The following TRIO variants were observed in gnomAD, a reference collection of about 807,000 sequenced individuals.
TRIO encodes the protein triple functional domain protein.
A neutral mutation model predicts 351.9 loss-of-function variants in TRIO; 58 were observed. The observed-to-expected ratio is 0.16, with a 90% CI of 0.13 to 0.21. TRIO has a LOEUF of 0.21. TRIO is among the 10% of genes least tolerant of loss of function. The probability of loss-of-function intolerance (pLI) is 1.00; values close to 1 mark genes in which losing one functional copy is unlikely to be tolerated. For synonymous variants in TRIO, 1,758 were observed against 1,595.7 expected (o/e 1.10, Z -2.42); for missense variants, 3,201 against 4,027.8 (o/e 0.79, Z 5.56).
chr5:14,404,713 A>G (rs149618746), intron 31 of TRIO, among the ~76,000 whole-genome samples: 43 of 152,118 alleles, frequency 2.8e-4, no homozygotes, highest in African/African-American at 9.6e-4. Flanking sequence ...CTGCTGTCCT[A>G]TGTCACTCCG....
At chr5:14,295,386 G>A (rs1364154330) in intron 6 of TRIO, among the ~76,000 whole-genome samples, 3 of 152,218 alleles carry the variant, frequency 2.0e-5, no homozygotes, top group Non-Finnish European at 4.4e-5. Context: ...TAGGCTGTAT[G>A]CCACCATACT....
intron 34 of TRIO, among the ~76,000 whole-genome samples, chr5:14,433,615 C>T (rs575023645): frequency 6.6e-6 from 1 of 152,294 alleles, no homozygotes; most frequent in South Asian, 2.1e-4. Context: ...TTCAGGGGCC[C>T]AGCATCCTCA....
intron 1 of TRIO, among the ~76,000 whole-genome samples, chr5:14,222,233 A>G (rs1792686448): frequency 6.6e-6 from 1 of 151,876 alleles, no homozygotes; most frequent in Non-Finnish European, 1.5e-5. Flanking sequence ...AAACTACAGT[A>G]TAGGATAAAT....
In TRIO at chr5:14,381,151, A is replaced by C; in HGVS notation, c.3469A>C (p.Asn1157His). The C allele has an allele frequency of 1.9e-6, 3 of 1,614,022 alleles. No homozygotes were observed. Among genetic ancestry groups the C allele is most frequent in the Non-Finnish European group, 2.5e-6 (3 of 1,179,972 alleles). The change falls in exon 21 of 57, where the codon AAT (asparagine) becomes CAT (histidine). Residue 1157 changes from asparagine to histidine, a missense_variant. Transcript: ENST00000344204. Reference protein sequence around the residue: ...AKQALEWIHDNGEFYLSTHTS... With the variant: ...AKQALEWIHDHGEFYLSTHTS... The stretch of plus-strand genomic sequence containing the variant: ...CCAGGCTTTGGAATGGATCCATGAC[A>C]ATGGCGAGTTCTACCTTTCCACACA...
At chr5:14,220,288 G>T (rs923070001) in intron 1 of TRIO, among the ~76,000 whole-genome samples, 9 of 152,094 alleles carry the variant, frequency 5.9e-5, no homozygotes, top group African/African-American at 2.2e-4. Flanking sequence ...TGTATATGGT[G>T]GCAAACTTAA....
At chr5:14,190,429 T>C (rs952508310) in intron 1 of TRIO, among the ~76,000 whole-genome samples, 1 of 152,154 alleles carries the variant, frequency 6.6e-6, no homozygotes, top group African/African-American at 2.4e-5. Context: ...GTGAACCCCT[T>C]TGTGCATAAG....
intron 1 of TRIO, among the ~76,000 whole-genome samples, chr5:14,241,446 C>T (rs73751307): frequency 0.029 from 4,462 of 152,182 alleles, 209 homozygotes; most frequent in African/African-American, 0.1. Flanking sequence ...TTAAGCTTTT[C>T]GTTATCAGAT....
intron 21 of TRIO, among the ~76,000 whole-genome samples, chr5:14,381,678 T>C (rs1416264263): frequency 6.6e-6 from 1 of 152,228 alleles, no homozygotes; most frequent in Admixed American, 6.5e-5. Context: ...TGGTGAAAAC[T>C]GTTACAGTCG....
intron 1 of TRIO, among the ~76,000 whole-genome samples, chr5:14,247,028 CA>C (rs1581438727): frequency 6.6e-6 from 1 of 152,228 alleles, no homozygotes; most frequent in South Asian, 2.1e-4. Context: ...TGTGTCCTCC[CA>C]AACTACAGGT....
At chr5:14,476,660 G>A (rs972674170) in intron 40 of TRIO, among the ~76,000 whole-genome samples, 1 of 152,090 alleles carries the variant, frequency 6.6e-6, no homozygotes, top group African/African-American at 2.4e-5. Context: ...TAGGCATAGT[G>A]GTGCACGCCT....
At chr5:14,409,114 G>A (rs529498150) in intron 33 of TRIO, among the ~76,000 whole-genome samples, 20 of 152,162 alleles carry the variant, frequency 1.3e-4, no homozygotes, top group African/African-American at 3.9e-4. Flanking sequence ...TATCTCCTGC[G>A]TGTGGAGAAT....
At chr5:14,259,706 G>A (rs1581468585) in intron 1 of TRIO, among the ~76,000 whole-genome samples, 1 of 152,096 alleles carries the variant, frequency 6.6e-6, no homozygotes, top group Non-Finnish European at 1.5e-5. Context: ...CAAATAGAAG[G>A]ATCTGGAAGA....
At chr5:14,405,221 A>G (rs1176752673) in intron 31 of TRIO, among the ~76,000 whole-genome samples, 1 of 152,210 alleles carries the variant, frequency 6.6e-6, no homozygotes, top group East Asian at 1.9e-4. Flanking sequence ...TGAATCTGCC[A>G]TCGGGGATTG....
intron 1 of TRIO, among the ~76,000 whole-genome samples, chr5:14,187,774 A>C (rs963456306): frequency 6.6e-6 from 1 of 151,618 alleles, no homozygotes; most frequent in African/African-American, 2.4e-5. Context: ...CGTTCTGTGG[A>C]GTTTCCTCAT....
chr5:14,163,205 G>T (rs1371547699), intron 1 of TRIO, among the ~76,000 whole-genome samples: 1 of 152,076 alleles, frequency 6.6e-6, no homozygotes, highest in Non-Finnish European at 1.5e-5. Flanking sequence ...GGTGTGTGAT[G>T]TTCCCCTCCC....
At chr5:14,378,785 C>G (rs976726961) in intron 20 of TRIO, among the ~76,000 whole-genome samples, 2 of 152,154 alleles carry the variant, frequency 1.3e-5, no homozygotes, top group African/African-American at 4.8e-5. Flanking sequence ...GTCTCGAACT[C>G]CTGACCTCAG....
rs183266161 is a variant in TRIO, at chr5:14,394,180, T to C, written c.4311+50T>C. The C allele has an allele frequency of 2.8e-4, 327 of 1,185,530 alleles. 1 individual carries two copies. The African/African-American group carries it at 4.8e-3, about 17-fold the overall frequency. 73.4% of individuals were successfully genotyped at this position (1,185,530 alleles called of 1,614,324 possible). ...GTGAAATTTTATGAATTATGTATTA[T>C]TTTGACATTTACTATATATTTATAT... On this transcript the variant is annotated intron_variant, in intron 28 of 56. Coordinates refer to ENST00000344204, the MANE Select transcript of TRIO (RefSeq NM_007118.4).
chr5:14,270,925 C>G (rs750713940), intron 2 of TRIO, 26 bp downstream of exon 2: 1 of 1,532,854 alleles, frequency 6.5e-7, no homozygotes, highest in South Asian at 1.1e-5. Context: ...CAACTCTGCT[C>G]TATCCAACTG....
intron 1 of TRIO, among the ~76,000 whole-genome samples, chr5:14,200,376 G>C (rs1010623761): frequency 2.0e-5 from 3 of 152,202 alleles, no homozygotes; most frequent in Non-Finnish European, 4.4e-5. Context: ...TCCTTTGTCT[G>C]TAATTGCGCT....
Sources: gnomAD v4.1 joint callset for allele counts (sites outside exome capture counted in the v4.1 genomes callset) on GRCh38, gnomAD v4.1.1 for gene constraint, MANE v1.5 for transcripts, NCBI Gene and HGNC (gene_info 2026-07-23, HGNC 2026-07-21) for gene names.